Variants in CD99L2 observed in about 807,000 individuals in gnomAD.
The protein encoded by CD99L2 is CD99 antigen-like protein 2.
CD99L2 carries 24 observed loss-of-function variants against 27.3 expected under a neutral mutation model. That is an observed-to-expected ratio of 0.88 (90% confidence interval 0.64 to 1.24). The LOEUF (loss-of-function observed/expected upper bound fraction) is 1.24, where lower values mean the gene tolerates loss of function less well. CD99L2 is among the 50% of genes most tolerant of loss of function. The probability of loss-of-function intolerance (pLI) is 0.00; values close to 1 mark genes in which losing one functional copy is unlikely to be tolerated. For synonymous variants in CD99L2, 97 were observed against 87.9 expected (o/e 1.10, Z -0.58); for missense variants, 255 against 221.6 (o/e 1.15, Z -0.96).
intron 9 of CD99L2, among the ~76,000 whole-genome samples, chrX:150,773,549 C>T (rs1288691649): frequency 5.3e-5 from 6 of 112,529 alleles, no homozygotes; most frequent in African/African-American, 1.3e-4. Context: ...ATTAGGCTGA[C>T]GATGCTATAG....
chrX:150,795,636 G>T, intron 4 of CD99L2, 150 bp from the exon 5 acceptor site: 1 of 535,015 alleles, frequency 1.9e-6, no homozygotes, highest in Non-Finnish European at 3.1e-6. Context: ...TGAGACGGAT[G>T]ACAAAGAGAT....
intron 1 of CD99L2, among the ~76,000 whole-genome samples, chrX:150,892,561 G>C (rs1261336935): frequency 1.1e-5 from 1 of 89,614 alleles, no homozygotes; most frequent in Non-Finnish European, 2.1e-5. Context: ...AGCCGAGATC[G>C]CGCCACTGCA....
intron 2 of CD99L2, among the ~76,000 whole-genome samples, chrX:150,825,097 C>A (rs1471336018): frequency 1.8e-5 from 2 of 112,012 alleles, no homozygotes; most frequent in African/African-American, 6.5e-5. Context: ...TTCCATTTGA[C>A]TTTGTACCAG....
intron 4 of CD99L2, among the ~76,000 whole-genome samples, chrX:150,806,409 C>T (rs781998816): frequency 9.0e-6 from 1 of 111,583 alleles, no homozygotes; most frequent in Admixed American, 9.5e-5. Context: ...GCATGCACCA[C>T]TACGCCCAGC....
At chrX:150,867,526 G>A (rs2047080776) in intron 1 of CD99L2, among the ~76,000 whole-genome samples, 1 of 111,931 alleles carries the variant, frequency 8.9e-6, no homozygotes. Flanking sequence ...CACTTTGGGA[G>A]GCCAAGGAGG....
intron 4 of CD99L2, among the ~76,000 whole-genome samples, chrX:150,810,888 T>C (rs897589976): frequency 3.6e-5 from 4 of 111,558 alleles, no homozygotes; most frequent in South Asian, 3.8e-4. Flanking sequence ...ATACAAACTA[T>C]TGAAGCTGAC....
At chrX:150,810,546 G>A (rs2046056653) in intron 4 of CD99L2, among the ~76,000 whole-genome samples, 1 of 109,291 alleles carries the variant, frequency 9.1e-6, no homozygotes, top group South Asian at 3.9e-4. Context: ...CCAGAAAATG[G>A]AAACCAAACA....
At chrX:150,866,386 A>G (rs1458566854) in intron 1 of CD99L2, among the ~76,000 whole-genome samples, 2 of 111,791 alleles carry the variant, frequency 1.8e-5, no homozygotes, top group Non-Finnish European at 3.8e-5. Context: ...TGATAAATGT[A>G]CTATACTAAT....
intron 1 of CD99L2, among the ~76,000 whole-genome samples, chrX:150,861,141 C>CAAAAAAA (rs782255590): frequency 7.3e-4 from 30 of 40,874 alleles, no homozygotes; most frequent in East Asian, 2.5e-3. Context: ...GACTCTGTCT[C>CAAAAAAA]AAAAAAAAAA....
intron 7 of CD99L2, among the ~76,000 whole-genome samples, chrX:150,777,788 A>AGTG (rs1406814009): frequency 9.1e-6 from 1 of 110,425 alleles, no homozygotes; most frequent in African/African-American, 3.3e-5. Context: ...CTTTGCTACC[A>AGTG]GTGGTGCAGC....
chrX:150,824,026 G>GAGA (rs782032624), intron 2 of CD99L2, among the ~76,000 whole-genome samples: 1 of 75,119 alleles, frequency 1.3e-5, no homozygotes, highest in Admixed American at 1.3e-4. Context: ...GGAAGAGGAA[G>GAGA]AGGAGGAGGA....
intron 7 of CD99L2, among the ~76,000 whole-genome samples, chrX:150,783,813 T>C (rs1557419487): frequency 1.8e-5 from 2 of 111,500 alleles, no homozygotes; most frequent in African/African-American, 3.3e-5. Flanking sequence ...GTTCCACCTT[T>C]AGACCCGGAA....
At chrX:150,872,873 A>G (rs782719619) in intron 1 of CD99L2, among the ~76,000 whole-genome samples, 1 of 112,226 alleles carries the variant, frequency 8.9e-6, no homozygotes, top group African/African-American at 3.2e-5. Context: ...AGGATGGGCC[A>G]GTGGCCTGAG....
At chrX:150,817,422 G>A (rs995257404) in intron 2 of CD99L2, among the ~76,000 whole-genome samples, 1 of 110,734 alleles carries the variant, frequency 9.0e-6, no homozygotes, top group Admixed American at 9.6e-5. Context: ...AAAAATAAGT[G>A]TGGTTACTAC....
intron 9 of CD99L2, among the ~76,000 whole-genome samples, chrX:150,775,449 G>A (rs1308778238): frequency 8.9e-6 from 1 of 112,513 alleles, no homozygotes; most frequent in African/African-American, 3.2e-5. Context: ...GATGTGGGGC[G>A]CCGATGGGTG....
intron 1 of CD99L2, among the ~76,000 whole-genome samples, chrX:150,838,925 G>T (rs1325410275): frequency 1.1e-5 from 1 of 89,985 alleles, no homozygotes; most frequent in Non-Finnish European, 2.2e-5. Flanking sequence ...AAATGGGGGG[G>T]GGGGTGTAAA....
At chrX:150,790,581 G>A (rs1217600949) in intron 7 of CD99L2, among the ~76,000 whole-genome samples, 1 of 111,575 alleles carries the variant, frequency 9.0e-6, no homozygotes, top group Non-Finnish European at 1.9e-5. Context: ...GACTCTAGTT[G>A]GTAAAGTTGT....
At chrX:150,854,003 G>C (rs2046832238) in intron 1 of CD99L2, among the ~76,000 whole-genome samples, 1 of 111,458 alleles carries the variant, frequency 9.0e-6, no homozygotes, top group Non-Finnish European at 1.9e-5. Flanking sequence ...AGTCAGATAG[G>C]CAAGATGTAC....
chrX:150,818,418 TTATGTTCTTCAGCACAACAGAATGA>T (rs2124192103), intron 2 of CD99L2, among the ~76,000 whole-genome samples: 1 of 110,033 alleles, frequency 9.1e-6, no homozygotes, highest in South Asian at 3.9e-4. Context: ...CACAAACAAA[TTATGTTCTTCAGCACAACAGAATGA>T]AAGTAGAGAT....
Sources: gnomAD v4.1 joint callset for allele counts (sites outside exome capture counted in the v4.1 genomes callset) on GRCh38, gnomAD v4.1.1 for gene constraint, MANE v1.5 for transcripts, NCBI Gene and HGNC (gene_info 2026-07-23, HGNC 2026-07-21) for gene names.